The following RRM2 variants were observed in gnomAD, a reference collection of about 807,000 sequenced individuals.
RRM2 encodes ribonucleotide reductase regulatory subunit M2, also known as ribonucleoside-diphosphate reductase subunit M2.
In RRM2, 6 loss-of-function variants were observed where a neutral mutation model predicts 45.9. The observed-to-expected ratio is 0.13, with a 90% CI of 0.07 to 0.26. RRM2 has a LOEUF of 0.26. Among genes scored for constraint, RRM2 ranks in the 10% least tolerant of loss-of-function variants. The probability of loss-of-function intolerance (pLI) is 1.00; values close to 1 mark genes in which losing one functional copy is unlikely to be tolerated. For missense variants in RRM2, 343 were observed against 489.5 expected (o/e 0.70, Z 2.82); for synonymous variants, 177 against 173.0 (o/e 1.02, Z -0.18).
chr2:10,188,846 G>A (rs1315038007), intron 3 of RRM2, among the ~76,000 whole-genome samples: 1 of 152,140 alleles, frequency 6.6e-6, no homozygotes, highest in Non-Finnish European at 1.5e-5. Flanking sequence ...GTGTCTTCCT[G>A]TGTCCTCCTA....
chr2:10,148,964 T>C (rs2125314407), intron 3 of RRM2, among the ~76,000 whole-genome samples: 1 of 152,306 alleles, frequency 6.6e-6, no homozygotes, highest in East Asian at 1.9e-4. Context: ...GATTGTGTCT[T>C]GAGCAATATT....
At chr2:10,142,121 A>G in intron 2 of RRM2, 1 of 1,570,946 alleles carries the variant, frequency 6.4e-7, no homozygotes, top group Non-Finnish European at 8.7e-7. Flanking sequence ...GGGCAAGCGC[A>G]AAGGCCCTGT....
At chr2:10,133,551 T>A (rs1266185273), downstream of RRM2, among the ~76,000 whole-genome samples, 1 of 152,156 alleles carries the variant, frequency 6.6e-6, no homozygotes, top group Non-Finnish European at 1.5e-5. Context: ...CAGCCCCTCA[T>A]CCGTGAGTGG....
intron 4 of RRM2, 93 bp from the exon 5 acceptor site, chr2:10,124,624 A>G (rs1184339778): frequency 7.3e-7 from 1 of 1,365,560 alleles, no homozygotes; most frequent in Non-Finnish European, 1.0e-6. Context: ...TAAACCTTAT[A>G]ATGGTACAAA....
At position 10,161,337 on chromosome 2, in the gene RRM2, G is replaced by A. The variant is rs146592705; in HGVS notation, n.482+18962G>A. 1.4e-3 allele frequency among the ~76,000 whole-genome samples: 211 copies of A among 152,284 alleles called. 1 individual carries two copies. The highest frequency in any genetic ancestry group is 2.7e-3 in the South Asian group (13 of 4,822). On this transcript the variant is annotated intron_variant and non_coding_transcript_variant, in intron 3 of 3. Transcript: ENST00000381786. ...ACCTCTCAAAGTGCTGCAATTACAG[G>A]CATGAGCCACTGCGCCTGGCCTGGC...
intron 3 of RRM2, among the ~76,000 whole-genome samples, chr2:10,159,250 C>A (rs1430013876): frequency 1.3e-5 from 2 of 152,196 alleles, no homozygotes; most frequent in African/African-American, 4.8e-5. Flanking sequence ...CAGTGGCTAC[C>A]AGGTGCCCCA....
At chr2:10,132,865 C>CA (rs1363378725), downstream of RRM2, among the ~76,000 whole-genome samples, 1 of 152,202 alleles carries the variant, frequency 6.6e-6, no homozygotes, top group African/African-American at 2.4e-5. Context: ...TTCTGCTCCC[C>CA]CCGGCCCCAT....
intron 3 of RRM2, chr2:10,145,868 T>TGAGCCAG (rs1417898358): frequency 6.6e-6 from 1 of 152,224 alleles, no homozygotes; most frequent in Non-Finnish European, 1.5e-5. Flanking sequence ...CAAAGCCCAT[T>TGAGCCAG]GAGCCAGGAG....
intron 3 of RRM2, among the ~76,000 whole-genome samples, chr2:10,148,136 C>T (rs10179866): frequency 0.65 from 90,851 of 140,724 alleles, 29,517 homozygotes; most frequent in African/African-American, 0.72. Flanking sequence ...AGAGTGAGAC[C>T]CTGACTCAAA....
At chr2:10,125,249 A>G (rs1392513536) in intron 5 of RRM2, among the ~76,000 whole-genome samples, 1 of 152,218 alleles carries the variant, frequency 6.6e-6, no homozygotes, top group Non-Finnish European at 1.5e-5. Context: ...ATAGGCAAAT[A>G]AGACTTAGTA....
In RRM2 at chr2:10,122,969, G is replaced by C; in HGVS notation, c.100-14G>C. ...AAGCGAAGCCGCTCCTCACTCACAC[G>C]CGTCTCCCCGCAGCCGCCGGCCCTG... On this transcript the variant is annotated splice_polypyrimidine_tract_variant and intron_variant, in intron 1 of 9. Transcript: ENST00000304567. The C allele has an allele frequency of 6.5e-7, 1 of 1,548,118 alleles. No individual in the cohort carries two copies. Among genetic ancestry groups the C allele is most frequent in the Non-Finnish European group, 8.7e-7 (1 of 1,151,532 alleles).
At chr2:10,173,157 A>G (rs1224064031) in intron 3 of RRM2, among the ~76,000 whole-genome samples, 1 of 152,180 alleles carries the variant, frequency 6.6e-6, no homozygotes, top group African/African-American at 2.4e-5. Context: ...GGGGAGATAA[A>G]TAGCCCCTAC....
intron 3 of RRM2, among the ~76,000 whole-genome samples, chr2:10,150,773 T>TG (rs1663293505): frequency 7.3e-6 from 1 of 137,180 alleles, no homozygotes; most frequent in African/African-American, 3.1e-5. Flanking sequence ...TGTGTTGTGT[T>TG]TTTTTTTTTT....
At chr2:10,136,658 G>A (rs534076444), upstream of RRM2, among the ~76,000 whole-genome samples, 15 of 152,182 alleles carry the variant, frequency 9.9e-5, no homozygotes, top group Admixed American at 8.5e-4. Flanking sequence ...CTGTAGTCCC[G>A]GCTACTCAAG....
chr2:10,188,617 TG>T (rs1467081971), intron 3 of RRM2, among the ~76,000 whole-genome samples: 6 of 152,032 alleles, frequency 3.9e-5, no homozygotes, highest in Non-Finnish European at 7.4e-5. Context: ...TCAGTTTCCT[TG>T]GGCCTCTCAG....
intron 3 of RRM2, among the ~76,000 whole-genome samples, chr2:10,186,522 T>C (rs556926196): frequency 4.0e-5 from 6 of 151,606 alleles, no homozygotes; most frequent in African/African-American, 1.2e-4. Context: ...TGGTGAACCG[T>C]AGTGTGTACA....
chr2:10,135,098 C>T (rs1662967615), downstream of RRM2, among the ~76,000 whole-genome samples: 1 of 152,236 alleles, frequency 6.6e-6, no homozygotes, highest in African/African-American at 2.4e-5. Context: ...GATACATTTT[C>T]ATGCCAAGGT....
intron 3 of RRM2, among the ~76,000 whole-genome samples, chr2:10,144,945 T>C (rs1663158560): frequency 6.6e-6 from 1 of 152,102 alleles, no homozygotes; most frequent in Admixed American, 6.5e-5. Flanking sequence ...GTGTACACCA[T>C]GTAGCATGAG....
intron 3 of RRM2, among the ~76,000 whole-genome samples, chr2:10,192,003 C>T (rs942877027): frequency 7.9e-5 from 12 of 152,204 alleles, no homozygotes; most frequent in African/African-American, 2.2e-4. Context: ...AGGCCTCAAG[C>T]GGCATCTCCT....
Sources: allele counts gnomAD v4.1 joint callset (sites outside exome capture counted in the v4.1 genomes callset), GRCh38; gene constraint gnomAD v4.1.1; transcripts MANE v1.5; gene names NCBI Gene and HGNC (gene_info 2026-07-23, HGNC 2026-07-21).